The following CPQ variants were observed in gnomAD, a reference collection of about 807,000 sequenced individuals.
CPQ encodes the protein Ser-Met dipeptidase.
Under a neutral mutation model 45.7 loss-of-function variants are expected in CPQ, and 37 were observed. The observed-to-expected ratio is 0.81, with a 90% CI of 0.62 to 1.07. The LOEUF (loss-of-function observed/expected upper bound fraction) is 1.07, where lower values mean the gene tolerates loss of function less well. Among genes scored for constraint, CPQ ranks in the 50% least tolerant of loss-of-function variants. CPQ has a pLI of 0.00. For missense variants in CPQ, 537 were observed against 572.9 expected, an observed-to-expected ratio of 0.94 and a Z score of 0.64; for synonymous variants, 186 against 205.8, an observed-to-expected ratio of 0.90 and a Z score of 0.82.
At chr8:96,858,855 ATTC>A (rs924696140) in intron 3 of CPQ, among the ~76,000 whole-genome samples, 5 of 152,280 alleles carry the variant, frequency 3.3e-5, no homozygotes, top group Admixed American at 3.3e-4. Context: ...TTTGATCTAT[ATTC>A]TTCCAGACTT....
intron 1 of CPQ, among the ~76,000 whole-genome samples, chr8:96,687,223 C>CT (rs900423466): frequency 3.8e-5 from 5 of 130,974 alleles, no homozygotes; most frequent in African/African-American, 5.6e-5. Flanking sequence ...TTTTCTTTTT[C>CT]TTTTTTTGAG....
At chr8:97,042,870 T>G (rs1810155948) in intron 6 of CPQ, among the ~76,000 whole-genome samples, 1 of 152,334 alleles carries the variant, frequency 6.6e-6, no homozygotes, top group East Asian at 1.9e-4. Flanking sequence ...ATAATTTCTG[T>G]TCTTTTACAT....
intron 5 of CPQ, among the ~76,000 whole-genome samples, chr8:96,992,847 C>A (rs1243369679): frequency 6.6e-6 from 1 of 152,204 alleles, no homozygotes; most frequent in African/African-American, 2.4e-5. Context: ...CAATTCATAT[C>A]CATCTTCCAG....
At chr8:97,121,520 C>T (rs1426454631) in intron 7 of CPQ, among the ~76,000 whole-genome samples, 2 of 152,038 alleles carry the variant, frequency 1.3e-5, no homozygotes, top group Non-Finnish European at 2.9e-5. Flanking sequence ...GGATCAAGTA[C>T]ATCTAGAGCT....
At chr8:96,941,231 A>G (rs559435531) in intron 4 of CPQ, among the ~76,000 whole-genome samples, 30 of 152,218 alleles carry the variant, frequency 2.0e-4, no homozygotes, top group African/African-American at 7.0e-4. Flanking sequence ...GAAATCAGAA[A>G]GCAGATTCAG....
At chr8:96,827,689 C>T (rs1811397242) in intron 2 of CPQ, among the ~76,000 whole-genome samples, 2 of 151,892 alleles carry the variant, frequency 1.3e-5, no homozygotes, top group South Asian at 4.1e-4. Flanking sequence ...TCACAAGAAG[C>T]CTGGTGATGC....
chr8:97,039,076 G>A (rs990914975), intron 6 of CPQ, among the ~76,000 whole-genome samples: 1 of 152,122 alleles, frequency 6.6e-6, no homozygotes, highest in Non-Finnish European at 1.5e-5. Flanking sequence ...TTGTTTCCCT[G>A]TAGGTATTTG....
chr8:97,031,947 G>C (rs1432557870), intron 6 of CPQ, among the ~76,000 whole-genome samples: 1 of 152,156 alleles, frequency 6.6e-6, no homozygotes, highest in East Asian at 1.9e-4. Context: ...CTTATGATTA[G>C]CATATTGATA....
intron 2 of CPQ, among the ~76,000 whole-genome samples, chr8:96,821,557 C>T (rs1228242593): frequency 6.6e-6 from 1 of 151,846 alleles, no homozygotes; most frequent in African/African-American, 2.4e-5. Flanking sequence ...TCTTATCCTT[C>T]TTAGTGCCTC....
At chr8:96,753,226 C>T (rs1810285713) in intron 1 of CPQ, among the ~76,000 whole-genome samples, 1 of 151,878 alleles carries the variant, frequency 6.6e-6, no homozygotes, top group Non-Finnish European at 1.5e-5. Context: ...GTGTACAAGG[C>T]TCTATTTCAG....
chr8:97,136,996 T>G (rs957705240), intron 7 of CPQ, among the ~76,000 whole-genome samples: 1 of 152,178 alleles, frequency 6.6e-6, no homozygotes, highest in Non-Finnish European at 1.5e-5. Context: ...AATGTCTCCT[T>G]GGAACTACAG....
At chr8:96,656,328 C>T (rs1041672896) in intron 1 of CPQ, among the ~76,000 whole-genome samples, 10 of 152,158 alleles carry the variant, frequency 6.6e-5, no homozygotes, top group South Asian at 4.1e-4. Flanking sequence ...GCTGCTGGCT[C>T]GGCTCCCATG....
At chr8:97,020,532 A>T (rs1197747256) in intron 5 of CPQ, among the ~76,000 whole-genome samples, 1 of 152,152 alleles carries the variant, frequency 6.6e-6, no homozygotes, top group African/African-American at 2.4e-5. Flanking sequence ...ATTAGAAATG[A>T]AAGGGACATA....
At chr8:97,116,857 C>T (rs543768714) in intron 7 of CPQ, among the ~76,000 whole-genome samples, 1 of 152,378 alleles carries the variant, frequency 6.6e-6, no homozygotes, top group Admixed American at 6.5e-5. Context: ...AGAGAAAGCT[C>T]AGTTGTCCTT....
intron 1 of CPQ, among the ~76,000 whole-genome samples, chr8:96,742,531 G>A (rs1420217243): frequency 6.6e-6 from 1 of 151,036 alleles, no homozygotes; most frequent in Non-Finnish European, 1.5e-5. Flanking sequence ...ATGTTAGCTG[G>A]TTATTTTGCT....
chr8:96,992,063 G>A (rs1281129283), intron 5 of CPQ, among the ~76,000 whole-genome samples: 2 of 152,164 alleles, frequency 1.3e-5, no homozygotes, highest in African/African-American at 2.4e-5. Flanking sequence ...CCCTTGATGG[G>A]TGTGTGGCAG....
At chr8:97,058,136 T>A (rs77670333) in intron 6 of CPQ, among the ~76,000 whole-genome samples, 2,898 of 152,288 alleles carry the variant, frequency 0.019, 97 homozygotes, top group African/African-American at 0.067. Context: ...AGTGCTTGTC[T>A]GTAGGCTAGA....
At chr8:96,711,736 T>C (rs936407919) in intron 1 of CPQ, among the ~76,000 whole-genome samples, 1 of 152,002 alleles carries the variant, frequency 6.6e-6, no homozygotes, top group African/African-American at 2.4e-5. Context: ...CCATGACACA[T>C]AGGGATTATG....
At chr8:97,095,807 T>C (rs147252155) in intron 7 of CPQ, among the ~76,000 whole-genome samples, 118 of 152,322 alleles carry the variant, frequency 7.7e-4, no homozygotes, top group African/African-American at 2.5e-3. Context: ...TTGTTTTTGT[T>C]GTCATGTCTC....
Sources: allele counts gnomAD v4.1 joint callset (sites outside exome capture counted in the v4.1 genomes callset), GRCh38; gene constraint gnomAD v4.1.1; transcripts MANE v1.5; gene names NCBI Gene and HGNC (gene_info 2026-07-23, HGNC 2026-07-21).